ABCA5: variants seen among roughly 807,000 people sequenced by gnomAD.
ABCA5 encodes cholesterol transporter ABCA5.
A neutral mutation model predicts 206.0 loss-of-function variants in ABCA5; 163 were observed. That is an observed-to-expected ratio of 0.79 (90% CI 0.70 to 0.90). ABCA5 has a LOEUF of 0.90. Ranked by LOEUF, ABCA5 falls within the 40% of genes least tolerant of loss-of-function variation. ABCA5 has a pLI of 0.00. For missense variants in ABCA5, 1,859 were observed against 1,912.9 expected, an observed-to-expected ratio of 0.97 and a Z score of 0.53; for synonymous variants, 609 against 613.8, an observed-to-expected ratio of 0.99 and a Z score of 0.11.
In ABCA5 at chr17:69,259,731, A is replaced by G; in HGVS notation, c.3706T>C (p.Ser1236Pro). 1 of 1,607,778 alleles carries G rather than the reference A, an allele frequency of 6.2e-7. No individual in the cohort carries two copies. Among genetic ancestry groups the G allele is most frequent in the Admixed American group, 1.7e-5 (1 of 59,686 alleles). Residue 1236 changes from serine (S) to proline (P), a missense_variant, in exon 28 of 39, where the codon TCA becomes CCA. By Grantham distance (74) the Ser-to-Pro change is moderately conservative (BLOSUM62 -1). Transcript: ENST00000392676. ...QYYEKKYGGR[S>P]IRKDPFFRNL... ...CTGAAAAAGGGATCTTTTCTTATTGATCTGCCTCCATATTTTTTCTCATAG... is the reference window on the plus strand; with the variant it reads ...CTGAAAAAGGGATCTTTTCTTATTGGTCTGCCTCCATATTTTTTCTCATAG...
In ABCA5 at chr17:69,248,307, A is replaced by C; in HGVS notation, c.4776T>G (p.Ala1592=). The part of the protein sequence containing the change: ...SFFKLEEAKH[A]FAIEEYSFSQ... ...AAAAGCTATATTCTTCAATGGCAAA[A>C]GCATGTTTAGCTATTAAAATATAAA... Residue 1592 remains alanine (A), a synonymous_variant, in exon 38 of 39, where the codon GCT becomes GCG. Transcript: ENST00000392676. 6.4e-7 allele frequency: 1 copy of C among 1,560,190 alleles called. No individual in the cohort carries two copies. The highest frequency in any genetic ancestry group is 8.8e-7 in the Non-Finnish European group (1 of 1,141,648).
chr17:69,253,911 A>T (rs753250765), intron 32 of ABCA5, 42 bp from the exon 33 acceptor site: 3 of 1,456,374 alleles, frequency 2.1e-6, no homozygotes, highest in South Asian at 1.2e-5. Context: ...CATGATATAT[A>T]TAAACACAAA....
chr17:69,273,711 C>T (rs1474652406), intron 20 of ABCA5, among the ~76,000 whole-genome samples: 3 of 152,078 alleles, frequency 2.0e-5, no homozygotes, highest in Non-Finnish European at 2.9e-5. Flanking sequence ...CCGCCTTGGC[C>T]TCCCAAAGTG....
chr17:69,295,547 T>G (rs1039798360), intron 10 of ABCA5, among the ~76,000 whole-genome samples: 1 of 152,152 alleles, frequency 6.6e-6, no homozygotes, highest in Non-Finnish European at 1.5e-5. Context: ...ACAAAATTAT[T>G]GCAGTGGTAC....
chr17:69,245,934 A>G lies in ABCA5; in HGVS notation c.*1603T>C, dbSNP rs2074945309. 6.6e-6 allele frequency: 1 copy of G among 152,008 alleles called. No homozygotes were observed. The highest frequency in any genetic ancestry group is 2.1e-4 in the South Asian group (1 of 4,834). 9.4% of individuals were successfully genotyped at this position (152,008 alleles called of 1,614,324 possible). On this transcript the variant is annotated 3_prime_UTR_variant, in exon 39 of 39. Transcript: ENST00000392676. ...GACTGCCTTAGTAAACTATAGATAT[A>G]ATTTTGTTGCTTTTACTAAACTTAA...
rs145838528 is a variant in ABCA5 at position 69,309,362 on chromosome 17, C to T, written c.369G>A (p.Pro123=). 75 of 1,602,966 alleles carry T rather than the reference C, an allele frequency of 4.7e-5. No homozygotes were observed. In the African/African-American group the frequency reaches 7.8e-4, roughly 17 times the overall value. ...KEMLTSSLSK[P]SNFVGVVFKD... is the part of the protein sequence containing the mutation. ...TGAAAACCACACCTACAAAGTTGCTCGGCTTAGAGAGACTGGATGTTAACA... is the reference window on the plus strand; with the variant it reads ...TGAAAACCACACCTACAAAGTTGCTTGGCTTAGAGAGACTGGATGTTAACA... Residue 123 remains proline, a synonymous_variant, in exon 4 of 39, where the codon CCG becomes CCA. Coordinates refer to ENST00000392676, the MANE Select transcript of ABCA5 (RefSeq NM_172232.4).
chr17:69,303,801 T>TACAC (rs1389935733), intron 7 of ABCA5, among the ~76,000 whole-genome samples: 3 of 6,836 alleles, frequency 4.4e-4, no homozygotes, highest in Non-Finnish European at 2.5e-3. Context: ...TATATATATA[T>TACAC]ATATATACAT....
At chr17:69,271,739 G>T (rs976852163) in intron 20 of ABCA5, among the ~76,000 whole-genome samples, 1 of 152,082 alleles carries the variant, frequency 6.6e-6, no homozygotes, top group Non-Finnish European at 1.5e-5. Context: ...TAAATAATAA[G>T]AATAAAAATC....
At position 69,287,612 on chromosome 17, in the gene ABCA5, C is replaced by A; in HGVS notation, c.2041+1G>T. 1 of 1,607,546 alleles carries A rather than the reference C, an allele frequency of 6.2e-7. No individual in the cohort carries two copies. Among genetic ancestry groups the A allele is most frequent in the Non-Finnish European group, 8.5e-7 (1 of 1,177,154 alleles). ...CTTCGAAAATAAAACAAAAATCTCA[C>A]CTGCAAGAATGTCAGCTTCATCCAT... On this transcript the variant is annotated splice_donor_variant, in intron 15 of 38. Transcript: ENST00000392676. LOFTEE classifies it high-confidence loss of function.
At position 69,250,522 on chromosome 17, in the gene ABCA5, G is replaced by C. The variant is rs1441205221; in HGVS notation, c.4635C>G (p.Arg1545=). 6.2e-7 allele frequency: 1 copy of C among 1,602,516 alleles called. No homozygotes were observed. The highest frequency in any genetic ancestry group is 8.5e-7 in the Non-Finnish European group (1 of 1,176,090). The change falls in exon 36 of 39, where the codon CGC becomes CGG. Residue 1545 remains arginine, a synonymous_variant. Coordinates refer to ENST00000392676, the MANE Select transcript of ABCA5 (RefSeq NM_172232.4). ...AAATATACTGAATTTCTCTTTGAAG[G>C]CGGTCTACTTCTAGGTTTTCTATCC... ...KDWIENLEVD[R]LQREIQYIFP...
intron 6 of ABCA5, among the ~76,000 whole-genome samples, chr17:69,306,314 A>AAG (rs1381552912): frequency 6.6e-6 from 1 of 152,106 alleles, no homozygotes; most frequent in Non-Finnish European, 1.5e-5. Context: ...CTAAATTTTT[A>AAG]ATATTATATA....
intron 37 of ABCA5, 181 bp downstream of exon 37, chr17:69,249,724 T>G (rs1048412905): frequency 2.8e-6 from 2 of 714,960 alleles, no homozygotes; most frequent in Non-Finnish European, 4.4e-6. Context: ...TCTGCCATAG[T>G]TTCTAAAATA....
At chr17:69,322,922 C>T (rs906574771) in intron 1 of ABCA5, among the ~76,000 whole-genome samples, 1 of 152,056 alleles carries the variant, frequency 6.6e-6, no homozygotes, top group Non-Finnish European at 1.5e-5. Flanking sequence ...TGATAAGAAA[C>T]GTGGTCACCT....
At chr17:69,294,215 A>G (rs62080889) in intron 11 of ABCA5, among the ~76,000 whole-genome samples, 9,262 of 152,128 alleles carry the variant, frequency 0.061, 374 homozygotes, top group Non-Finnish European at 0.09. Context: ...CACATAAACG[A>G]AAGTATCTCA....
chr17:69,298,269 AAGGAAGGAAGGAAGGG>A (rs1255232431), intron 9 of ABCA5, among the ~76,000 whole-genome samples: 1,333 of 130,276 alleles, frequency 0.01, 50 homozygotes, highest in African/African-American at 0.037. Flanking sequence ...GGAAGGAAGG[AAGGAAGGAAGGAAGGG>A]AGGGAGGGGA....
At chr17:69,324,094 C>A (rs184561277) in intron 1 of ABCA5, among the ~76,000 whole-genome samples, 123 of 152,200 alleles carry the variant, frequency 8.1e-4, no homozygotes, top group African/African-American at 2.9e-3. Context: ...TTACAAAAAA[C>A]GTTGGTCAAC....
In ABCA5 at chr17:69,279,905, C is replaced by T. The variant is rs1431462203; in HGVS notation, c.2393-2063G>A. Among the ~76,000 whole-genome samples, 15 of 152,206 alleles carry T rather than the reference C, an allele frequency of 9.9e-5. 1 individual carries two copies. The highest frequency in any genetic ancestry group is 2.6e-4 in the Admixed American group (4 of 15,288). ...ATTCAAGATGGATTAAAGACTTAAA[C>T]GTTAGACCTAAAACCATAAAAACCC... is the stretch of plus-strand genomic sequence containing the variant. On this transcript the variant is annotated intron_variant, in intron 18 of 38. Coordinates refer to ENST00000392676, the MANE Select transcript of ABCA5 (RefSeq NM_172232.4).
At chr17:69,248,190 T>C (rs1475517692) in intron 38 of ABCA5, 72 bp downstream of exon 38, 1 of 918,858 alleles carries the variant, frequency 1.1e-6, no homozygotes, top group Admixed American at 2.4e-5. Flanking sequence ...CCCTCTCTAA[T>C]ATAAACCAAA....
At chr17:69,256,766 T>C (rs182658459) in intron 28 of ABCA5, among the ~76,000 whole-genome samples, 210 of 152,250 alleles carry the variant, frequency 1.4e-3, no homozygotes, top group African/African-American at 5.0e-3. Context: ...ACAAGCATTA[T>C]TTTTCAATGA....
Sources: gnomAD v4.1 joint callset for allele counts (sites outside exome capture counted in the v4.1 genomes callset) on GRCh38, gnomAD v4.1.1 for gene constraint, MANE v1.5 for transcripts, NCBI Gene and HGNC (gene_info 2026-07-23, HGNC 2026-07-21) for gene names.